MYT1L: variants seen among roughly 807,000 people sequenced by gnomAD.
MYT1L encodes myelin transcription factor 1 like, also known as myelin transcription factor 1-like protein.
A neutral mutation model predicts 126.7 loss-of-function variants in MYT1L; 12 were observed. The observed-to-expected ratio is 0.09, with a 90% CI of 0.06 to 0.15. The LOEUF (loss-of-function observed/expected upper bound fraction) is 0.15. Ranked by LOEUF, MYT1L falls within the 10% of genes least tolerant of loss-of-function variation. The probability of loss-of-function intolerance (pLI) is 1.00; values close to 1 mark genes in which losing one functional copy is unlikely to be tolerated. For missense variants in MYT1L, 979 were observed against 1,585.2 expected (o/e 0.62, Z 6.49); for synonymous variants, 541 against 604.2 (o/e 0.90, Z 1.53).
chr2:2,234,205 A>G (rs945535900), intron 2 of MYT1L, among the ~76,000 whole-genome samples: 5 of 152,238 alleles, frequency 3.3e-5, no homozygotes, highest in African/African-American at 1.2e-4. Flanking sequence ...TCAGAATAAA[A>G]TTCATACATG....
intron 1 of MYT1L, among the ~76,000 whole-genome samples, chr2:2,313,729 T>C (rs2096015110): frequency 6.6e-6 from 1 of 152,174 alleles, no homozygotes; most frequent in Admixed American, 6.5e-5. Context: ...TGATTTATAC[T>C]CTTACTTTTA....
intron 3 of MYT1L, among the ~76,000 whole-genome samples, chr2:2,061,610 C>G (rs2070505389): frequency 6.6e-6 from 1 of 152,106 alleles, no homozygotes; most frequent in South Asian, 2.1e-4. Flanking sequence ...ATGCCCTCTT[C>G]TTCCAAAGAT....
rs1408291638 is a variant in MYT1L, at chr2:2,217,699, ACAAC to A, written c.-420-44715_-420-44712del. On this transcript the variant is annotated intron_variant, in intron 2 of 24. Transcript: ENST00000647738. ...AACAACAACAACAACAACAACAACAACAACAACAAAAAAAAAAAAAGAAAGAAGG... is the reference window on the plus strand; with the variant it reads ...AACAACAACAACAACAACAACAACAAAACAAAAAAAAAAAAAGAAAGAAGG... Among the ~76,000 whole-genome samples, 425 of 102,826 alleles carry A rather than the reference ACAAC, an allele frequency of 4.1e-3. 19 individuals are homozygous for A. The highest frequency in any genetic ancestry group is 0.017 in the African/African-American group (368 of 21,886). 67.5% of individuals were successfully genotyped at this position (102,826 alleles called of 152,430 possible). A position where few individuals can be genotyped will look rare whatever the true frequency, so the allele number is the denominator to read the frequency against.
chr2:2,294,952 T>C (rs1002642815), intron 1 of MYT1L, among the ~76,000 whole-genome samples: 16 of 152,080 alleles, frequency 1.1e-4, no homozygotes, highest in African/African-American at 3.9e-4. Flanking sequence ...TTAAAAGTGA[T>C]GTTCTTTTTT....
chr2:1,792,677 C>G (rs1211721002), intron 23 of MYT1L, among the ~76,000 whole-genome samples: 1 of 152,082 alleles, frequency 6.6e-6, no homozygotes, highest in African/African-American at 2.4e-5. Flanking sequence ...CAAGACCAGC[C>G]TGGCCAACGT....
At chr2:1,961,446 G>C (rs1479716587) in intron 8 of MYT1L, among the ~76,000 whole-genome samples, 1 of 152,190 alleles carries the variant, frequency 6.6e-6, no homozygotes, top group Non-Finnish European at 1.5e-5. Flanking sequence ...ATCTGTCCCT[G>C]GTTAGCCTGT....
At chr2:2,262,926 AT>A (rs2095016233) in intron 2 of MYT1L, among the ~76,000 whole-genome samples, 2 of 94,386 alleles carry the variant, frequency 2.1e-5, no homozygotes, top group African/African-American at 8.9e-5. Context: ...ATATATATAT[AT>A]ATATAACCTG....
intron 2 of MYT1L, among the ~76,000 whole-genome samples, chr2:2,279,497 A>G (rs767729461): frequency 1.3e-5 from 2 of 151,314 alleles, no homozygotes; most frequent in Non-Finnish European, 2.9e-5. Context: ...GGAAGAAAAC[A>G]ATGGAGTAAG....
At chr2:2,235,743 A>G (rs1328577099) in intron 2 of MYT1L, among the ~76,000 whole-genome samples, 1 of 152,138 alleles carries the variant, frequency 6.6e-6, no homozygotes, top group East Asian at 1.9e-4. Flanking sequence ...ACTCCGGCTG[A>G]CTGGCTGATT....
chr2:2,050,338 G>A (rs1220489423), intron 4 of MYT1L, among the ~76,000 whole-genome samples: 2 of 152,140 alleles, frequency 1.3e-5, no homozygotes, highest in Non-Finnish European at 1.5e-5. Context: ...TTCTGGACAC[G>A]ATATGCTTTT....
intron 21 of MYT1L, among the ~76,000 whole-genome samples, chr2:1,824,002 C>T (rs2148178022): frequency 6.6e-6 from 1 of 152,314 alleles, no homozygotes; most frequent in African/African-American, 2.4e-5. Context: ...CGCGCCTCCC[C>T]CCCCAGCGGG....
intron 14 of MYT1L, among the ~76,000 whole-genome samples, chr2:1,899,072 T>A (rs2049996617): frequency 6.6e-6 from 1 of 152,236 alleles, no homozygotes; most frequent in South Asian, 2.1e-4. Flanking sequence ...TGGGGGCTGG[T>A]AACCTGACAG....
chr2:2,141,295 C>T (rs959170560), intron 3 of MYT1L, among the ~76,000 whole-genome samples: 1 of 152,132 alleles, frequency 6.6e-6, no homozygotes, highest in Non-Finnish European at 1.5e-5. Flanking sequence ...CACTAATAAA[C>T]ATATGGATTT....
intron 18 of MYT1L, among the ~76,000 whole-genome samples, chr2:1,884,288 A>G (rs980073140): frequency 1.3e-4 from 20 of 152,242 alleles, no homozygotes; most frequent in Non-Finnish European, 2.1e-4. Flanking sequence ...GATGTTAATC[A>G]GGGACGATGC....
At chr2:2,178,060 TATAA>T (rs1458200682) in intron 2 of MYT1L, among the ~76,000 whole-genome samples, 20 of 152,128 alleles carry the variant, frequency 1.3e-4, no homozygotes, top group Non-Finnish European at 2.6e-4. Flanking sequence ...ACTGTTTATT[TATAA>T]ATAGATAAAA....
chr2:1,809,075 C>A lies in MYT1L; in HGVS notation c.3172+1G>T. On this transcript the variant is annotated splice_donor_variant, in intron 22 of 24. Transcript: ENST00000647738. LOFTEE classifies it high-confidence loss of function. ...GCCACGAGGGCTGGAGGGGTGCTCA[C>A]CGTTGCTGGCCCGCTGTTTGATGGT... 6.2e-7 allele frequency: 1 copy of A among 1,613,892 alleles called. No homozygotes were observed. Among genetic ancestry groups the A allele is most frequent in the Non-Finnish European group, 8.5e-7 (1 of 1,179,864 alleles).
Position 1,811,732 on chromosome 2 carries a change from G to A in MYT1L, c.3081-2565C>T, listed in dbSNP as rs866155632. Among the ~76,000 whole-genome samples, 18 of 152,116 alleles carry A rather than the reference G, an allele frequency of 1.2e-4. No individual in the cohort carries two copies. Among genetic ancestry groups the A allele is most frequent in the African/African-American group, 4.1e-4 (17 of 41,412 alleles). On this transcript the variant is annotated intron_variant, in intron 21 of 24. Coordinates refer to ENST00000647738, the MANE Select transcript of MYT1L (RefSeq NM_001303052.2). The surrounding 1 kb of genome is among the most constrained non-coding windows in gnomAD (Gnocchi z 4.4). ...GCTACTCAAGCTGTCTTTAGTGTGG[G>A]GCGTGAACGAACCCCTCGCGTTCCG...
In MYT1L at chr2:1,839,259, C is replaced by T. The variant is rs762215015; in HGVS notation, c.2970G>A (p.Leu990=). 17 of 1,613,704 alleles carry T rather than the reference C, an allele frequency of 1.1e-5. No homozygotes were observed. The East Asian group carries it at 3.6e-4, about 34-fold the overall frequency. The change falls in exon 21 of 25, where the codon CTG becomes CTA. Residue 990 remains leucine (L), a synonymous_variant. Transcript: ENST00000647738. ...ACTTCCAGGAGAACTGGGAGCCATT[C>T]AGGTACCCGTCTTTCTGCCTCTTGG... ...LAAKRQKDGY[L]NGSQFSWKSV...
chr2:1,888,914 C>T (rs2048482403), intron 16 of MYT1L, among the ~76,000 whole-genome samples: 1 of 152,162 alleles, frequency 6.6e-6, no homozygotes, highest in African/African-American at 2.4e-5. Flanking sequence ...CAAGGAAAAT[C>T]CTGTATTGTT....
Sources: allele counts gnomAD v4.1 joint callset (sites outside exome capture counted in the v4.1 genomes callset), GRCh38; gene constraint gnomAD v4.1.1; non-coding constraint Gnocchi (gnomAD v3.1); transcripts MANE v1.5; gene names NCBI Gene and HGNC (gene_info 2026-07-23, HGNC 2026-07-21).